TSHZ2: variants seen among roughly 807,000 people sequenced by gnomAD.
TSHZ2 encodes teashirt homolog 2.
TSHZ2 carries 21 observed loss-of-function variants against 74.4 expected under a neutral mutation model. The observed-to-expected ratio is 0.28, with a 90% CI of 0.20 to 0.41. TSHZ2 has a LOEUF of 0.41. TSHZ2 is among the 10% of genes least tolerant of loss of function. TSHZ2 has a pLI of 1.00. For missense variants in TSHZ2, 1,244 were observed against 1,293.5 expected, an observed-to-expected ratio of 0.96 and a Z score of 0.59; for synonymous variants, 540 against 515.3, an observed-to-expected ratio of 1.05 and a Z score of -0.65.
chr20:53,146,491 C>T (rs1035437569), intron 1 of TSHZ2, among the ~76,000 whole-genome samples: 2 of 152,102 alleles, frequency 1.3e-5, no homozygotes, highest in Non-Finnish European at 1.5e-5. Context: ...AATGAGCTTT[C>T]GCGCGTGAGT....
At chr20:53,073,033 T>A (rs2747395) in intron 1 of TSHZ2, among the ~76,000 whole-genome samples, 1 of 65,012 alleles carries the variant, frequency 1.5e-5, no homozygotes, top group Non-Finnish European at 3.6e-5. Context: ...ATCCATCCCT[T>A]CCTCCATCCA....
chr20:53,256,655 A>G lies in TSHZ2; in HGVS notation c.*8+84A>G. ...ATGGGTCTGCTTAGAGGCAGCTAGC[A>G]TCTCCCAATGCCAAGCAGGATAGTA... On this transcript the variant is annotated intron_variant, in intron 2 of 2. Transcript: ENST00000371497. This position sits in a 1 kb window ranked among gnomAD's most constrained non-coding sequence, Gnocchi z 4.3. 1 of 1,482,292 alleles carries G rather than the reference A, an allele frequency of 6.7e-7. No individual in the cohort carries two copies. The highest frequency in any genetic ancestry group is 1.4e-5 in the African/African-American group (1 of 71,426). The allele number at this position is 1,482,292 out of a possible 1,614,324, so 91.8% of individuals were successfully genotyped here.
At chr20:53,362,450 C>T (rs1004030423) in intron 2 of TSHZ2, among the ~76,000 whole-genome samples, 1 of 152,114 alleles carries the variant, frequency 6.6e-6, no homozygotes, top group Non-Finnish European at 1.5e-5. Flanking sequence ...TCCCAAAGTG[C>T]TGGAATTACA....
At chr20:53,108,892 A>G (rs1295677650) in intron 1 of TSHZ2, among the ~76,000 whole-genome samples, 2 of 150,950 alleles carry the variant, frequency 1.3e-5, no homozygotes, top group African/African-American at 4.8e-5. Context: ...TCATACCATT[A>G]ATTTCTTTTT....
intron 1 of TSHZ2, among the ~76,000 whole-genome samples, chr20:53,245,361 T>C (rs1990176980): frequency 6.6e-6 from 1 of 152,162 alleles, no homozygotes; most frequent in Non-Finnish European, 1.5e-5. Context: ...GAATCAGCAA[T>C]TTATTTCTCT....
chr20:53,288,800 T>C (rs1188820296), intron 2 of TSHZ2, among the ~76,000 whole-genome samples: 6 of 152,172 alleles, frequency 3.9e-5, no homozygotes, highest in African/African-American at 1.2e-4. Flanking sequence ...TATTTATTCA[T>C]GTTTTAATAT....
At position 53,022,443 on chromosome 20, in the gene TSHZ2, A is replaced by G. The variant is rs552211852; in HGVS notation, c.40+49110A>G. On this transcript the variant is annotated intron_variant, in intron 1 of 2. Transcript: ENST00000371497. The stretch of plus-strand genomic sequence containing the variant: ...GCCACGTTTTACTGGACCGTCTATC[A>G]ATATTTGATCAAATTGGGCCAAAGT... 2.0e-4 allele frequency among the ~76,000 whole-genome samples: 30 copies of G among 152,308 alleles called. 1 individual carries two copies. The South Asian group carries it at 5.2e-3, about 26-fold the overall frequency.
chr20:53,261,440 G>C (rs749537665), intron 2 of TSHZ2, among the ~76,000 whole-genome samples: 23 of 152,062 alleles, frequency 1.5e-4, no homozygotes, highest in Non-Finnish European at 2.9e-4. Context: ...TATTAAAAAA[G>C]AACATCCTCA....
chr20:53,320,819 C>T (rs763824322), intron 2 of TSHZ2, among the ~76,000 whole-genome samples: 3 of 152,182 alleles, frequency 2.0e-5, no homozygotes, highest in Non-Finnish European at 2.9e-5. Context: ...GGCCTGTGGT[C>T]GGGGGACATG....
chr20:53,091,482 G>C (rs575489105), intron 1 of TSHZ2, among the ~76,000 whole-genome samples: 1 of 152,252 alleles, frequency 6.6e-6, no homozygotes, highest in South Asian at 2.1e-4. Flanking sequence ...TAATTTGTAA[G>C]ATTTACCTAC....
chr20:53,209,977 C>G (rs1021321862), intron 1 of TSHZ2, among the ~76,000 whole-genome samples: 47 of 152,216 alleles, frequency 3.1e-4, no homozygotes, highest in African/African-American at 7.7e-4. Context: ...AGATGGCCCC[C>G]TCTACAAATG....
At chr20:53,227,872 T>G (rs1989720018) in intron 1 of TSHZ2, among the ~76,000 whole-genome samples, 1 of 152,178 alleles carries the variant, frequency 6.6e-6, no homozygotes, top group African/African-American at 2.4e-5. Flanking sequence ...TTTTCTTTCT[T>G]TCGTTCTTCC....
chr20:53,134,773 A>G (rs1568775945), intron 1 of TSHZ2, among the ~76,000 whole-genome samples: 1 of 152,082 alleles, frequency 6.6e-6, no homozygotes, highest in Non-Finnish European at 1.5e-5. Flanking sequence ...TTTGTTGGTC[A>G]TCTTCTCCCT....
At chr20:53,081,871 G>A (rs538762496) in intron 1 of TSHZ2, among the ~76,000 whole-genome samples, 2 of 150,444 alleles carry the variant, frequency 1.3e-5, no homozygotes, top group Non-Finnish European at 2.9e-5. Flanking sequence ...CTGACTGTAC[G>A]TAAGTATGAA....
chr20:53,026,169 C>T (rs1983437706), intron 1 of TSHZ2, among the ~76,000 whole-genome samples: 1 of 151,960 alleles, frequency 6.6e-6, no homozygotes, highest in African/African-American at 2.4e-5. Flanking sequence ...AGGCAGGTTC[C>T]ATGAATGGAA....
intron 1 of TSHZ2, among the ~76,000 whole-genome samples, chr20:53,045,525 G>A (rs764087816): frequency 7.9e-5 from 12 of 152,212 alleles, no homozygotes; most frequent in African/African-American, 1.2e-4. Context: ...CCGTTTAGAC[G>A]AGACATTTCC....
chr20:53,378,341 AAAT>A (rs11474507), intron 2 of TSHZ2, among the ~76,000 whole-genome samples: 63,518 of 142,276 alleles, frequency 0.45, 14,448 homozygotes, highest in Non-Finnish European at 0.5. Context: ...CTTTGTATCA[AAAT>A]AATAATAATA....
At chr20:53,025,524 A>G (rs1487375765) in intron 1 of TSHZ2, among the ~76,000 whole-genome samples, 1 of 152,182 alleles carries the variant, frequency 6.6e-6, no homozygotes, top group African/African-American at 2.4e-5. Flanking sequence ...GATTTAAGGA[A>G]GGAGCCAAGG....
At chr20:53,405,310 A>G (rs1982809916) in intron 2 of TSHZ2, among the ~76,000 whole-genome samples, 2 of 152,116 alleles carry the variant, frequency 1.3e-5, no homozygotes, top group Admixed American at 1.3e-4. Context: ...TTGAAGTAGT[A>G]TCTAAGAACT....
Sources: gnomAD v4.1 joint callset for allele counts (sites outside exome capture counted in the v4.1 genomes callset) on GRCh38, gnomAD v4.1.1 for gene constraint, Gnocchi (gnomAD v3.1) non-coding constraint, MANE v1.5 for transcripts, NCBI Gene and HGNC (gene_info 2026-07-23, HGNC 2026-07-21) for gene names.